Variants in ELP4 observed in about 807,000 individuals in gnomAD.
ELP4 encodes elongator complex protein 4.
Under a neutral mutation model 48.9 loss-of-function variants are expected in ELP4, and 51 were observed. The ratio of observed to expected loss-of-function variants is 1.04; its 90% CI spans 0.83 to 1.32. The LOEUF is 1.32. Ranked by LOEUF, ELP4 falls within the 40% of genes most tolerant of loss-of-function variation. The probability of loss-of-function intolerance (pLI) is 0.00; values close to 1 mark genes in which losing one functional copy is unlikely to be tolerated. For missense variants in ELP4, 519 were observed against 514.6 expected (o/e 1.01, Z -0.08); for synonymous variants, 210 against 189.2 (o/e 1.11, Z -0.90).
intron 5 of ELP4, among the ~76,000 whole-genome samples, chr11:31,605,539 C>G (rs984487630): frequency 3.9e-5 from 6 of 152,018 alleles, no homozygotes; most frequent in Admixed American, 3.9e-4. Context: ...CATACTGTCT[C>G]CATTAACAGA....
intron 4 of ELP4, among the ~76,000 whole-genome samples, chr11:31,600,880 G>A (rs1159068215): frequency 6.6e-6 from 1 of 152,064 alleles, no homozygotes; most frequent in Non-Finnish European, 1.5e-5. Flanking sequence ...TACAAGTAGA[G>A]TACGGTATTT....
chr11:31,522,417 T>G (rs1475248374), intron 2 of ELP4, among the ~76,000 whole-genome samples: 1 of 152,230 alleles, frequency 6.6e-6, no homozygotes, highest in Non-Finnish European at 1.5e-5. Context: ...TTTCACACCT[T>G]GCTTTATCTA....
chr11:31,561,697 A>G (rs1018064487), intron 3 of ELP4, among the ~76,000 whole-genome samples: 1 of 151,836 alleles, frequency 6.6e-6, no homozygotes, highest in African/African-American at 2.4e-5. Flanking sequence ...TCCCACCTCA[A>G]CCTCCCAAAT....
chr11:31,551,134 C>T lies in ELP4; in HGVS notation c.381+11351C>T, dbSNP rs901542206. Among the ~76,000 whole-genome samples, 3 of 152,164 alleles carry T rather than the reference C, an allele frequency of 2.0e-5. No homozygotes were observed. In the South Asian group the frequency reaches 6.2e-4, roughly 31 times the overall value. On this transcript the variant is annotated intron_variant, in intron 3 of 9. Coordinates refer to ENST00000640961, the MANE Select transcript of ELP4 (RefSeq NM_019040.5). ...CCCATAGAGTGGAAAGTTTGCTCAACTTTAATTTTTTAGTCAGAACTGTGT... is the reference window on the plus strand; with the variant it reads ...CCCATAGAGTGGAAAGTTTGCTCAATTTTAATTTTTTAGTCAGAACTGTGT...
chr11:31,562,061 A>C (rs1030233459), intron 3 of ELP4, among the ~76,000 whole-genome samples: 9 of 152,172 alleles, frequency 5.9e-5, no homozygotes, highest in African/African-American at 1.9e-4. Context: ...TTATGTTATG[A>C]GTAGACATAT....
intron 6 of ELP4, among the ~76,000 whole-genome samples, chr11:31,628,863 T>C (rs1482033383): frequency 3.3e-5 from 5 of 152,080 alleles, no homozygotes; most frequent in African/African-American, 1.2e-4. Flanking sequence ...TTCAGATGAG[T>C]TCTAGAAGCC....
intron 1 of ELP4, chr11:31,511,381 A>G (rs1956001363): frequency 6.6e-6 from 1 of 152,158 alleles, no homozygotes; most frequent in Non-Finnish European, 1.5e-5. Flanking sequence ...AAACTTTCCA[A>G]ACAAAAAGGT....
intron 9 of ELP4, among the ~76,000 whole-genome samples, chr11:31,716,255 C>A (rs931457011): frequency 6.6e-6 from 1 of 152,132 alleles, no homozygotes; most frequent in East Asian, 1.9e-4. Context: ...TCAAACCATT[C>A]CCCTGTCTCA....
intron 9 of ELP4, among the ~76,000 whole-genome samples, chr11:31,670,250 C>A (rs531074895): frequency 6.6e-6 from 1 of 152,240 alleles, no homozygotes; most frequent in African/African-American, 2.4e-5. Context: ...GCCAAACCAA[C>A]TGAGCATTTA....
At chr11:31,627,351 C>A (rs1463572492) in intron 6 of ELP4, among the ~76,000 whole-genome samples, 157 bp downstream of exon 6, 2 of 151,862 alleles carry the variant, frequency 1.3e-5, no homozygotes, top group African/African-American at 4.8e-5. Context: ...CACAAGCAGC[C>A]TTAGTTTGAC....
At chr11:31,580,424 A>C (rs1376432911) in intron 3 of ELP4, among the ~76,000 whole-genome samples, 1 of 152,190 alleles carries the variant, frequency 6.6e-6, no homozygotes, top group African/African-American at 2.4e-5. Flanking sequence ...GTTGGTGGGT[A>C]TACATAGACC....
intron 5 of ELP4, among the ~76,000 whole-genome samples, chr11:31,604,962 A>C (rs1182982712): frequency 2.6e-5 from 4 of 152,008 alleles, no homozygotes; most frequent in African/African-American, 9.7e-5. Flanking sequence ...TTAACCCTAT[A>C]CAGGGTTATG....
chr11:31,540,438 C>T (rs1025512908), intron 3 of ELP4, among the ~76,000 whole-genome samples: 18 of 152,090 alleles, frequency 1.2e-4, no homozygotes, highest in African/African-American at 4.3e-4. Flanking sequence ...AAACTGATTC[C>T]AAGGCACTAC....
chr11:31,668,479 G>A (rs1210362133), intron 9 of ELP4, among the ~76,000 whole-genome samples: 1 of 149,842 alleles, frequency 6.7e-6, no homozygotes, highest in African/African-American at 2.4e-5. Context: ...CCAGTAATGT[G>A]TTGTAATTCT....
intron 5 of ELP4, among the ~76,000 whole-genome samples, chr11:31,604,892 T>C (rs1364801848): frequency 6.6e-6 from 1 of 152,022 alleles, no homozygotes; most frequent in African/African-American, 2.4e-5. Context: ...AATGTATTAC[T>C]GCTATGTGTC....
intron 4 of ELP4, among the ~76,000 whole-genome samples, chr11:31,598,503 C>CTTTTTTTTT (rs10702222): frequency 1.2e-3 from 96 of 77,716 alleles, no homozygotes; most frequent in Admixed American, 2.0e-3. Flanking sequence ...TTTTCTTCTT[C>CTTTTTTTTT]TTTTTTTTTT....
At chr11:31,712,528 G>C (rs1025616211) in intron 9 of ELP4, among the ~76,000 whole-genome samples, 1 of 152,070 alleles carries the variant, frequency 6.6e-6, no homozygotes, top group African/African-American at 2.4e-5. Flanking sequence ...CTATTAGCTT[G>C]ATAAATAAGT....
chr11:31,558,904 T>C (rs1956972113), intron 3 of ELP4, among the ~76,000 whole-genome samples: 1 of 152,140 alleles, frequency 6.6e-6, no homozygotes, highest in Admixed American at 6.5e-5. Context: ...TTGGGAATAT[T>C]AAAAACAAAG....
intron 7 of ELP4, among the ~76,000 whole-genome samples, chr11:31,636,326 TAG>T (rs1944976902): frequency 6.6e-6 from 1 of 151,986 alleles, no homozygotes; most frequent in African/African-American, 2.4e-5. Context: ...ATCATACATA[TAG>T]TTGGGTATGT....
Sources: allele counts gnomAD v4.1 joint callset (sites outside exome capture counted in the v4.1 genomes callset), GRCh38; gene constraint gnomAD v4.1.1; transcripts MANE v1.5; gene names NCBI Gene and HGNC (gene_info 2026-07-23, HGNC 2026-07-21).